NEDD4L: variants seen among roughly 807,000 people sequenced by gnomAD.
NEDD4L encodes the protein NEDD4 like E3 ubiquitin protein ligase, also known as E3 ubiquitin-protein ligase NEDD4-like.
NEDD4L carries 54 observed loss-of-function variants against 148.9 expected under a neutral mutation model. The observed-to-expected ratio is 0.36, with a 90% CI of 0.29 to 0.45. The LOEUF (loss-of-function observed/expected upper bound fraction) is 0.45, where lower values mean the gene tolerates loss of function less well. Ranked by LOEUF, NEDD4L falls within the 20% of genes least tolerant of loss-of-function variation. The probability of loss-of-function intolerance (pLI) is 1.00; values close to 1 mark genes in which losing one functional copy is unlikely to be tolerated. For synonymous variants in NEDD4L, 433 were observed against 440.7 expected (o/e 0.98, Z 0.22); for missense variants, 856 against 1,233.8 (o/e 0.69, Z 4.59).
intron 2 of NEDD4L, among the ~76,000 whole-genome samples, chr18:58,221,310 C>T (rs1322317867): frequency 1.3e-5 from 2 of 152,192 alleles, no homozygotes; most frequent in African/African-American, 4.8e-5. Flanking sequence ...CACAAAACCT[C>T]ATGACCTCTG....
intron 5 of NEDD4L, among the ~76,000 whole-genome samples, chr18:58,267,543 C>G (rs1451052833): frequency 1.3e-5 from 2 of 151,982 alleles, no homozygotes; most frequent in East Asian, 1.9e-4. Flanking sequence ...TGTGCTGTTT[C>G]CCTCCACACC....
chr18:58,180,685 T>C (rs1321802700), intron 2 of NEDD4L, among the ~76,000 whole-genome samples: 1 of 152,254 alleles, frequency 6.6e-6, no homozygotes, highest in East Asian at 1.9e-4. Flanking sequence ...TTTAGGACAT[T>C]CTTTAAAACA....
At chr18:58,270,780 C>A (rs1416284273) in intron 5 of NEDD4L, among the ~76,000 whole-genome samples, 2 of 152,040 alleles carry the variant, frequency 1.3e-5, no homozygotes, top group Non-Finnish European at 2.9e-5. Context: ...CCGATTCCCT[C>A]TTCTAATTTG....
chr18:58,331,424 C>T (rs1049885479), intron 11 of NEDD4L, among the ~76,000 whole-genome samples: 14 of 152,160 alleles, frequency 9.2e-5, no homozygotes, highest in African/African-American at 2.4e-4. Flanking sequence ...AGATAGAAGA[C>T]GTCTCCTAAG....
Position 58,330,725 on chromosome 18 carries a change from C to T in NEDD4L, c.814-13C>T, listed in dbSNP as rs368229618. Reference sequence around the variant, plus strand: ...CTTTCTAGTGTTTACCCCAGTGTCTCCTTCTCTGAAAGCCTTGGGAGACCA... The same window carrying T: ...CTTTCTAGTGTTTACCCCAGTGTCTTCTTCTCTGAAAGCCTTGGGAGACCA... On this transcript the variant is annotated splice_polypyrimidine_tract_variant and intron_variant, in intron 10 of 30. Coordinates refer to ENST00000400345, the MANE Select transcript of NEDD4L (RefSeq NM_001144967.3). 3 of 1,550,638 alleles carry T rather than the reference C, an allele frequency of 1.9e-6. No homozygotes were observed. Among genetic ancestry groups the T allele is most frequent in the Non-Finnish European group, 2.6e-6 (3 of 1,145,754 alleles).
chr18:58,149,479 C>A (rs554247340), intron 1 of NEDD4L: 1 of 1,550,280 alleles, frequency 6.5e-7, no homozygotes, highest in African/African-American at 1.4e-5. Flanking sequence ...TTGCTCTGCC[C>A]TTGAGTTTTC....
At chr18:58,306,220 T>G (rs908249067) in intron 5 of NEDD4L, among the ~76,000 whole-genome samples, 17 of 152,012 alleles carry the variant, frequency 1.1e-4, no homozygotes, top group African/African-American at 4.1e-4. Context: ...CTGGAATGTC[T>G]TTGTATATCC....
intron 25 of NEDD4L, among the ~76,000 whole-genome samples, chr18:58,383,977 A>G (rs2048682561): frequency 6.6e-6 from 1 of 152,178 alleles, no homozygotes; most frequent in South Asian, 2.1e-4. Context: ...GGGATCTTCC[A>G]AGGAGATCCC....
chr18:58,205,454 A>G (rs2147528493), intron 2 of NEDD4L, among the ~76,000 whole-genome samples: 1 of 152,216 alleles, frequency 6.6e-6, no homozygotes, highest in South Asian at 2.1e-4. Flanking sequence ...TTGTTTTATA[A>G]TCATAAGTAG....
At chr18:58,279,952 G>A (rs549930892) in intron 5 of NEDD4L, among the ~76,000 whole-genome samples, 27 of 152,334 alleles carry the variant, frequency 1.8e-4, no homozygotes, top group Admixed American at 1.6e-3. Context: ...CTCTAAGCCA[G>A]GCTAAGTGGT....
chr18:58,222,761 A>T (rs1285320562), intron 2 of NEDD4L, among the ~76,000 whole-genome samples: 1 of 152,238 alleles, frequency 6.6e-6, no homozygotes, highest in African/African-American at 2.4e-5. Context: ...TATCAACAAT[A>T]TGAAATATCA....
chr18:58,379,794 A>G (rs4940675), intron 24 of NEDD4L, among the ~76,000 whole-genome samples: 79,157 of 151,810 alleles, frequency 0.52, 22,056 homozygotes, highest in African/African-American at 0.74. Flanking sequence ...TGAAAGTGTC[A>G]CCTGTAACGA....
chr18:58,334,578 T>C (rs1005532387), intron 12 of NEDD4L, among the ~76,000 whole-genome samples: 1 of 152,220 alleles, frequency 6.6e-6, no homozygotes, highest in Non-Finnish European at 1.5e-5. Context: ...GGTGAAAATA[T>C]GTGGTTTTAA....
chr18:58,197,628 T>A (rs2040875452), intron 2 of NEDD4L: 1 of 152,240 alleles, frequency 6.6e-6, no homozygotes, highest in Non-Finnish European at 1.5e-5. Context: ...AACATTGAGC[T>A]GGGTTAGTAT....
At chr18:58,393,254 C>G (rs1307065426) in intron 30 of NEDD4L, among the ~76,000 whole-genome samples, 6 of 152,200 alleles carry the variant, frequency 3.9e-5, no homozygotes, top group Non-Finnish European at 5.9e-5. Flanking sequence ...GATAAGACCT[C>G]TGAACTCAGT....
chr18:58,068,045 A>C (rs1040085356), intron 1 of NEDD4L, among the ~76,000 whole-genome samples: 3 of 151,364 alleles, frequency 2.0e-5, no homozygotes, highest in Non-Finnish European at 1.5e-5. Flanking sequence ...TTGCAGCCTC[A>C]ACCTCCTAGG....
intron 16 of NEDD4L, among the ~76,000 whole-genome samples, chr18:58,343,666 A>C (rs2042709177): frequency 6.6e-6 from 1 of 152,144 alleles, no homozygotes; most frequent in African/African-American, 2.4e-5. Context: ...TTTTGTCAAA[A>C]TTGATTTTTC....
At chr18:58,365,869 G>C in intron 20 of NEDD4L, 130 bp from the exon 21 acceptor site, 1 of 636,952 alleles carries the variant, frequency 1.6e-6, no homozygotes, top group Non-Finnish European at 2.7e-6. Flanking sequence ...GAGAATCTCA[G>C]TTGGAACCAT....
rs77265761 is a variant in NEDD4L, at chr18:58,383,557, G to A, written c.2426+238G>A. ...TAAAGGAGCAGAGGAGGGAGAAAAG[G>A]TCTATATTATTGAGTAATACGGCAA... is the stretch of plus-strand genomic sequence containing the variant. On this transcript the variant is annotated intron_variant, in intron 25 of 30. Coordinates refer to ENST00000400345, the MANE Select transcript of NEDD4L (RefSeq NM_001144967.3). 2.5e-3 allele frequency among the ~76,000 whole-genome samples: 388 copies of A among 152,310 alleles called. 3 individuals carry two copies. The highest frequency in any genetic ancestry group is 8.6e-3 in the African/African-American group (359 of 41,552).
Sources: allele counts gnomAD v4.1 joint callset (sites outside exome capture counted in the v4.1 genomes callset), GRCh38; gene constraint gnomAD v4.1.1; transcripts MANE v1.5; gene names NCBI Gene and HGNC (gene_info 2026-07-23, HGNC 2026-07-21).